The following RALGDS variants were observed in gnomAD, a reference collection of about 807,000 sequenced individuals.
RALGDS encodes ral guanine nucleotide exchange factor.
A neutral mutation model predicts 99.8 loss-of-function variants in RALGDS; 44 were observed. The observed-to-expected ratio is 0.44, with a 90% confidence interval of 0.35 to 0.57. The LOEUF (loss-of-function observed/expected upper bound fraction) is 0.57. Among genes scored for constraint, RALGDS ranks in the 20% least tolerant of loss-of-function variants. RALGDS has a pLI of 0.01. For missense variants in RALGDS, 1,022 were observed against 1,203.1 expected, an observed-to-expected ratio of 0.85 and a Z score of 2.23; for synonymous variants, 529 against 505.0, an observed-to-expected ratio of 1.05 and a Z score of -0.64.
At chr9:133,107,453 C>T (rs763380583) in intron 6 of RALGDS, among the ~76,000 whole-genome samples, 153 bp from the exon 7 acceptor site, 5 of 152,232 alleles carry the variant, frequency 3.3e-5, no homozygotes, top group Admixed American at 2.6e-4. Context: ...CGGGACAGAA[C>T]GCTGGTGGGA....
chr9:133,145,998 A>G (rs1832617260), intron 1 of RALGDS, among the ~76,000 whole-genome samples: 1 of 152,188 alleles, frequency 6.6e-6, no homozygotes. Context: ...AGCCCGGAAT[A>G]CAAGTCGGAC....
chr9:133,108,380 G>T lies in RALGDS; in HGVS notation c.805C>A (p.Pro269Thr). 1.3e-6 allele frequency: 2 copies of T among 1,537,300 alleles called. No individual in the cohort carries two copies. Among genetic ancestry groups the T allele is most frequent in the Non-Finnish European group, 1.7e-6 (2 of 1,146,898 alleles). The change falls in exon 6 of 18, where the codon CCA becomes ACA. Residue 269 changes from proline (P) to threonine (T), a missense_variant. Pro to Thr is a conservative substitution (Grantham distance 38). This residue lies in a region of RALGDS where 825 missense variants were observed against 994.5 expected (regional missense o/e 0.83). Coordinates refer to ENST00000372050, the MANE Select transcript of RALGDS (RefSeq NM_006266.4). ...AGAGCTAGCTCGAGCTCTGGAGTTG[G>T]TTTTAGAGCTGGCACTGGTGACAGA... ...EALSPVPALK[P>T]TPELELALTP...
Position 133,098,583 on chromosome 9 carries a change from G to A in RALGDS, c.*4C>T, listed in dbSNP as rs531302066. On this transcript the variant is annotated 3_prime_UTR_variant, in exon 18 of 18. Transcript: ENST00000372050. ...CCAGCCAGCCAGACCCTGGGAGGAT[G>A]CCCTCAGAAGATGCCCTTGGCAATC... 2.5e-6 allele frequency: 4 copies of A among 1,613,960 alleles called. No individual in the cohort carries two copies. The African/African-American group carries it at 5.3e-5, about 22-fold the overall frequency.
At chr9:133,125,972 G>A (rs552438229), upstream of RALGDS, among the ~76,000 whole-genome samples, 4 of 152,166 alleles carry the variant, frequency 2.6e-5, no homozygotes, top group Non-Finnish European at 4.4e-5. Flanking sequence ...ACCCGAGTCC[G>A]GATGCCCACA....
exon 1 of RALGDS, chr9:133,131,009 G>C: frequency 6.5e-7 from 1 of 1,535,602 alleles, no homozygotes; most frequent in Non-Finnish European, 8.7e-7. Flanking sequence ...GGAGGGCACA[G>C]GGCAGGGAGC....
chr9:133,129,583 C>A (rs2119246587), intron 1 of RALGDS, among the ~76,000 whole-genome samples: 1 of 152,312 alleles, frequency 6.6e-6, no homozygotes, highest in Admixed American at 6.5e-5. Context: ...TCCCATTCCC[C>A]CTGTGTCGGG....
intron 1 of RALGDS, among the ~76,000 whole-genome samples, chr9:133,119,252 A>C (rs1281107621): frequency 6.6e-6 from 1 of 152,172 alleles, no homozygotes; most frequent in Non-Finnish European, 1.5e-5. Flanking sequence ...CCACATAGAC[A>C]CCAGGAAACC....
upstream of RALGDS, chr9:133,131,245 G>A: frequency 1.0e-6 from 1 of 989,212 alleles, no homozygotes; most frequent in South Asian, 2.9e-5. Flanking sequence ...GCCACCCTCA[G>A]GGTGGAGACT....
chr9:133,100,479 C>G (rs919894836), intron 16 of RALGDS, 97 bp from the exon 17 acceptor site: 84 of 1,600,976 alleles, frequency 5.2e-5, no homozygotes, highest in Admixed American at 2.2e-4. Flanking sequence ...CCCTCAGCAC[C>G]AAGCACAGGC....
chr9:133,135,789 G>A (rs688045), upstream of RALGDS, among the ~76,000 whole-genome samples: 39,012 of 152,108 alleles, frequency 0.26, 6,446 homozygotes, highest in East Asian at 0.53. Context: ...ACACTGGATG[G>A]GAAGCACTCA....
chr9:133,115,522 C>G (rs1831558237), intron 1 of RALGDS, among the ~76,000 whole-genome samples: 1 of 152,216 alleles, frequency 6.6e-6, no homozygotes, highest in Non-Finnish European at 1.5e-5. Context: ...GCCAGCACCT[C>G]ACAGTTCTGG....
chr9:133,143,536 C>T (rs1456215527), intron 1 of RALGDS, among the ~76,000 whole-genome samples: 2 of 151,912 alleles, frequency 1.3e-5, no homozygotes, highest in African/African-American at 4.8e-5. Context: ...GGGGGGAATC[C>T]CTTGAGCCCA....
chr9:133,133,415 G>A (rs897307706), upstream of RALGDS, among the ~76,000 whole-genome samples: 6 of 152,218 alleles, frequency 3.9e-5, no homozygotes, highest in East Asian at 1.9e-4. Context: ...TCCCACCCAC[G>A]TGGTCCCTGG....
chr9:133,148,932 C>T lies in RALGDS; in HGVS notation c.18+31G>A, dbSNP rs1308851784. On this transcript the variant is annotated intron_variant, in intron 1 of 17. Coordinates refer to the RALGDS transcript ENST00000393160. ...GGGCATACGGTCCTCCCTCCACCCG[C>T]GACGCGAGGCTGGGGACGGCGCGCA... is the stretch of plus-strand genomic sequence containing the variant. 2.5e-6 allele frequency: 4 copies of T among 1,600,602 alleles called. No individual in the cohort carries two copies. In the Admixed American group the frequency reaches 6.8e-5, roughly 27 times the overall value.
At chr9:133,098,915 G>A (rs1274388239) in intron 17 of RALGDS, 153 bp from the exon 18 acceptor site, 3 of 703,200 alleles carry the variant, frequency 4.3e-6, no homozygotes, top group Admixed American at 2.4e-5. Flanking sequence ...CCCTCTCAAT[G>A]ACTCCTGCCT....
At chr9:133,104,676 G>A (rs980419158) in intron 9 of RALGDS, 14 of 306,966 alleles carry the variant, frequency 4.6e-5, no homozygotes, top group Non-Finnish European at 7.7e-5. Context: ...ACCTGGGTTG[G>A]TGGTGCACAC....
intron 1 of RALGDS, among the ~76,000 whole-genome samples, chr9:133,147,326 C>T (rs910518194): frequency 3.3e-5 from 5 of 152,216 alleles, no homozygotes; most frequent in Admixed American, 6.5e-5. Context: ...ATGGCAGCCC[C>T]GGCATTATTT....
At position 133,101,610 on chromosome 9, in the gene RALGDS, C is replaced by G. The variant is rs779937970; in HGVS notation, c.2364G>C (p.Ala788=). The G allele has an allele frequency of 6.2e-7, 1 of 1,612,918 alleles. No homozygotes were observed. Among genetic ancestry groups the G allele is most frequent in the South Asian group, 1.1e-5 (1 of 91,086 alleles). Residue 788 remains alanine, a synonymous_variant, in exon 16 of 18, where the codon GCG becomes GCC. Transcript: ENST00000372050. ...SVSGLCNSSS[A]LPLYNQQVGD... ...CCACCTGCTGGTTGTAGAGCGGCAG[C>G]GCGGAGCTGGAGTTGCAGAGCCCTG...
intron 4 of RALGDS, 41 bp downstream of exon 4, chr9:133,109,585 T>A (rs1043052335): frequency 6.5e-7 from 1 of 1,548,160 alleles, no homozygotes; most frequent in Non-Finnish European, 8.9e-7. Context: ...CACTGTTCGG[T>A]GGGGACAGGG....
Sources: allele counts gnomAD v4.1 joint callset (sites outside exome capture counted in the v4.1 genomes callset), GRCh38; gene constraint gnomAD v4.1.1; regional missense constraint gnomAD v4.1.1; transcripts MANE v1.5; gene names NCBI Gene and HGNC (gene_info 2026-07-23, HGNC 2026-07-21).